The following GALNT16 variants were observed in gnomAD, a reference collection of about 807,000 sequenced individuals.
GALNT16 encodes the protein polypeptide N-acetylgalactosaminyltransferase 16, also known as UDP-GalNAc:polypeptide N-acetylgalactosaminyltransferase-like protein 1.
Under a neutral mutation model 76.1 loss-of-function variants are expected in GALNT16, and 40 were observed. The observed-to-expected ratio is 0.53, with a 90% CI of 0.41 to 0.68. The LOEUF is 0.68. Among genes scored for constraint, GALNT16 ranks in the 30% least tolerant of loss-of-function variants. The pLI is 0.00. For synonymous variants in GALNT16, 276 were observed against 285.2 expected, an observed-to-expected ratio of 0.97 and a Z score of 0.32; for missense variants, 621 against 731.9, an observed-to-expected ratio of 0.85 and a Z score of 1.75.
At chr14:69,335,598 G>T (rs920241182) in intron 9 of GALNT16, among the ~76,000 whole-genome samples, 1 of 152,182 alleles carries the variant, frequency 6.6e-6, no homozygotes, top group Admixed American at 6.5e-5. Context: ...TCTGCCTGAG[G>T]CAAGGGCTCC....
At chr14:69,311,930 T>C (rs921554196) in intron 1 of GALNT16, among the ~76,000 whole-genome samples, 5 of 151,180 alleles carry the variant, frequency 3.3e-5, no homozygotes, top group Admixed American at 1.3e-4. Context: ...GGGGCAGGGG[T>C]GGTGGCTCAC....
chr14:69,371,397 G>C, the GALNT16 span, among the ~76,000 whole-genome samples: 1 of 151,702 alleles, frequency 6.6e-6, no homozygotes, highest in Admixed American at 6.6e-5. Flanking sequence ...GGGATTACAG[G>C]CACGCACCAC....
intron 1 of GALNT16, among the ~76,000 whole-genome samples, chr14:69,303,703 C>T (rs992698507): frequency 3.9e-5 from 6 of 152,154 alleles, no homozygotes; most frequent in African/African-American, 1.4e-4. Flanking sequence ...CCCTTCCTGT[C>T]AAGGTCCGTA....
At chr14:69,260,965 C>T (rs190176200) in intron 1 of GALNT16, among the ~76,000 whole-genome samples, 2 of 152,048 alleles carry the variant, frequency 1.3e-5, no homozygotes. Flanking sequence ...AGGCGCTGCG[C>T]CTGGCTTCGA....
intron 1 of GALNT16, among the ~76,000 whole-genome samples, chr14:69,309,452 C>T (rs1297482969): frequency 1.3e-5 from 2 of 151,990 alleles, no homozygotes; most frequent in African/African-American, 4.8e-5. Flanking sequence ...ACAGCACGCA[C>T]CATCATACCT....
Position 69,333,021 on chromosome 14 carries a change from T to G in GALNT16, c.779-64T>G, listed in dbSNP as rs1209659184. The G allele has an allele frequency of 8.9e-7, 1 of 1,128,726 alleles. No homozygotes were observed. Among genetic ancestry groups the G allele is most frequent in the East Asian group, 2.3e-5 (1 of 42,562 alleles). 69.9% of individuals were successfully genotyped at this position (1,128,726 alleles called of 1,614,324 possible). A position where few individuals can be genotyped will look rare whatever the true frequency, so the allele number is the denominator to read the frequency against. ...GGGGAGACTCCGAGGGGTGGTGGAG[T>G]GAAGGGTCTCAGCAGCCCGCAGCTC... On this transcript the variant is annotated intron_variant, in intron 7 of 14. Coordinates refer to ENST00000448469, the MANE Select transcript of GALNT16 (RefSeq NM_001168368.2). This position sits in a 1 kb window ranked among gnomAD's most constrained non-coding sequence, Gnocchi z 4.2.
the GALNT16 span, among the ~76,000 whole-genome samples, chr14:69,375,777 G>A: frequency 6.6e-6 from 1 of 152,158 alleles, no homozygotes; most frequent in East Asian, 1.9e-4. Context: ...AGGACTACAG[G>A]CACATGCCAC....
chr14:69,310,265 T>C (rs1444401276), intron 1 of GALNT16, among the ~76,000 whole-genome samples: 1 of 151,284 alleles, frequency 6.6e-6, no homozygotes, highest in Non-Finnish European at 1.5e-5. Context: ...AGTCTTATGG[T>C]ATATCTTAAA....
intron 6 of GALNT16, among the ~76,000 whole-genome samples, chr14:69,330,841 A>G (rs901655671): frequency 6.6e-6 from 1 of 152,212 alleles, no homozygotes; most frequent in African/African-American, 2.4e-5. Context: ...CAAAATCAAC[A>G]TTATTCATCA....
At chr14:69,267,009 G>A (rs933732293) in intron 1 of GALNT16, among the ~76,000 whole-genome samples, 20 of 152,342 alleles carry the variant, frequency 1.3e-4, no homozygotes, top group African/African-American at 4.8e-4. Flanking sequence ...TCTGCCTGGT[G>A]GAGGCACCTT....
chr14:69,382,391 A>C, the GALNT16 span, among the ~76,000 whole-genome samples: 1 of 152,220 alleles, frequency 6.6e-6, no homozygotes, highest in Admixed American at 6.5e-5. Context: ...TTATATTAAC[A>C]CTGGAAAATA....
At chr14:69,271,785 CA>C (rs1370993037) in intron 1 of GALNT16, among the ~76,000 whole-genome samples, 1 of 152,144 alleles carries the variant, frequency 6.6e-6, no homozygotes, top group Non-Finnish European at 1.5e-5. Flanking sequence ...CAATACAGAT[CA>C]AGTATCTGTG....
Position 69,277,218 on chromosome 14 carries a change from T to G in GALNT16, c.177+16751T>G, listed in dbSNP as rs144343070. Among the ~76,000 whole-genome samples the G allele has an allele frequency of 4.9e-3, 740 of 152,332 alleles. 8 individuals are homozygous for G. The highest frequency in any genetic ancestry group is 0.026 in the South Asian group (127 of 4,822). ...AAGACAAAAAGCCTTTATTATTATA[T>G]TTTCTCCTTTTTTTATTATTATGCT... On this transcript the variant is annotated intron_variant, in intron 1 of 14. Coordinates refer to ENST00000448469, the MANE Select transcript of GALNT16 (RefSeq NM_001168368.2).
At chr14:69,294,190 C>T (rs751794712) in intron 1 of GALNT16, among the ~76,000 whole-genome samples, 1 of 152,132 alleles carries the variant, frequency 6.6e-6, no homozygotes, top group South Asian at 2.1e-4. Flanking sequence ...GGTGCGATCT[C>T]GGCTCACTGC....
the GALNT16 span, among the ~76,000 whole-genome samples, chr14:69,377,522 T>C: frequency 0.57 from 86,704 of 151,912 alleles, 25,678 homozygotes; most frequent in African/African-American, 0.73. Flanking sequence ...AAAAGTATCC[T>C]TAGGTTGGGT....
chr14:69,339,411 C>T (rs1206462234), intron 10 of GALNT16, 116 bp from the exon 11 acceptor site: 1 of 737,300 alleles, frequency 1.4e-6, no homozygotes, highest in African/African-American at 1.7e-5. Context: ...ATCCAAGTAT[C>T]ACCTTGCTCC....
At chr14:69,301,950 G>C (rs1271792946) in intron 1 of GALNT16, among the ~76,000 whole-genome samples, 1 of 152,136 alleles carries the variant, frequency 6.6e-6, no homozygotes, top group African/African-American at 2.4e-5. Context: ...GATGGCGCCA[G>C]CTTGGGTGAC....
chr14:69,326,839 G>A (rs1474065149), intron 5 of GALNT16, among the ~76,000 whole-genome samples: 3 of 152,170 alleles, frequency 2.0e-5, no homozygotes, highest in Admixed American at 6.5e-5. Flanking sequence ...GAGCTTCAGC[G>A]ATTTGCCCAG....
the GALNT16 span, among the ~76,000 whole-genome samples, chr14:69,371,491 C>T: frequency 2.6e-5 from 4 of 151,320 alleles, no homozygotes; most frequent in Non-Finnish European, 5.9e-5. Context: ...CTCCTGACCT[C>T]GTGATCCACC....
Sources: gnomAD v4.1 joint callset for allele counts (sites outside exome capture counted in the v4.1 genomes callset) on GRCh38, gnomAD v4.1.1 for gene constraint, Gnocchi (gnomAD v3.1) non-coding constraint, MANE v1.5 for transcripts, NCBI Gene and HGNC (gene_info 2026-07-23, HGNC 2026-07-21) for gene names.